ABCG1: variants seen among roughly 807,000 people sequenced by gnomAD.
The protein encoded by ABCG1 is ATP binding cassette subfamily G member 1, also known as ATP-binding cassette sub-family G member 1.
ABCG1 carries 29 observed loss-of-function variants against 69.2 expected under a neutral mutation model. That is an observed-to-expected ratio of 0.42 (90% CI 0.31 to 0.57). The LOEUF (loss-of-function observed/expected upper bound fraction) is 0.57, where lower values mean the gene tolerates loss of function less well. ABCG1 is among the 20% of genes least tolerant of loss of function. The probability of loss-of-function intolerance (pLI) is 0.15; values close to 1 mark genes in which losing one functional copy is unlikely to be tolerated. For missense variants in ABCG1, 718 were observed against 898.1 expected (o/e 0.80, Z 2.56); for synonymous variants, 370 against 374.8 (o/e 0.99, Z 0.15).
chr21:42,202,488 T>A (rs1346859493), intron 2 of ABCG1, among the ~76,000 whole-genome samples: 1 of 151,416 alleles, frequency 6.6e-6, no homozygotes, highest in Non-Finnish European at 1.5e-5. Flanking sequence ...AGAGGAGGGG[T>A]GTGATCTCAG....
intron 2 of ABCG1, among the ~76,000 whole-genome samples, chr21:42,226,213 GA>G (rs1419819389): frequency 6.6e-6 from 1 of 152,206 alleles, no homozygotes; most frequent in African/African-American, 2.4e-5. Flanking sequence ...GGCATGTGCT[GA>G]GAGAGTCCTC....
rs2067692237 is a variant in ABCG1 at position 42,219,812 on chromosome 21, G to C, written c.42+508G>C. On this transcript the variant is annotated intron_variant, in intron 1 of 14. Transcript: ENST00000398449. This position sits in a 1 kb window ranked among gnomAD's most constrained non-coding sequence, Gnocchi z 5.3. The stretch of plus-strand genomic sequence containing the variant: ...GGAACAAAAGAGGAAGCTGCCCCCA[G>C]AGAGCCGGAGCCTGCGACTGCACTC... 2 of 1,439,380 alleles carry C rather than the reference G, an allele frequency of 1.4e-6. No individual in the cohort carries two copies. Among genetic ancestry groups the C allele is most frequent in the African/African-American group, 2.9e-5 (2 of 69,378 alleles). 89.2% of individuals were successfully genotyped at this position (1,439,380 alleles called of 1,614,324 possible).
intron 2 of ABCG1, among the ~76,000 whole-genome samples, chr21:42,261,361 G>T (rs1181679826): frequency 6.6e-6 from 1 of 152,218 alleles, no homozygotes; most frequent in Non-Finnish European, 1.5e-5. Context: ...TGACCTCCTG[G>T]ATGTGGGGTG....
intron 2 of ABCG1, among the ~76,000 whole-genome samples, chr21:42,237,321 A>C (rs2067991605): frequency 6.6e-6 from 1 of 152,072 alleles, no homozygotes; most frequent in Non-Finnish European, 1.5e-5. Context: ...GCCACTCCCC[A>C]TGGGCTAGCC....
chr21:42,234,805 C>A (rs1010012154), intron 2 of ABCG1, among the ~76,000 whole-genome samples: 1 of 151,872 alleles, frequency 6.6e-6, no homozygotes, highest in African/African-American at 2.4e-5. Context: ...CGGAGCCCCT[C>A]GCGCGCGCAG....
At position 42,262,739 on chromosome 21, in the gene ABCG1, G is replaced by A. The variant is rs556853346; in HGVS notation, c.287-8331G>A. On this transcript the variant is annotated intron_variant, in intron 2 of 14. Transcript: ENST00000398449. ...TTTGGCAGAAGGGGTTGGAATCTTG[G>A]ATCCTCTGCTGACCTACCGTGTGAC... is the stretch of plus-strand genomic sequence containing the variant. Among the ~76,000 whole-genome samples, 11 of 152,334 alleles carry A rather than the reference G, an allele frequency of 7.2e-5. No homozygotes were observed. The East Asian group carries it at 9.6e-4, about 13-fold the overall frequency.
chr21:42,245,404 T>C (rs1180511093), intron 2 of ABCG1, among the ~76,000 whole-genome samples: 1 of 152,198 alleles, frequency 6.6e-6, no homozygotes, highest in Non-Finnish European at 1.5e-5. Flanking sequence ...TCAGTCCAGA[T>C]ACAAGGATTA....
upstream of ABCG1, among the ~76,000 whole-genome samples, chr21:42,211,632 C>A (rs1032215180): frequency 3.9e-5 from 6 of 151,926 alleles, no homozygotes; most frequent in African/African-American, 1.2e-4. Context: ...GTAATCCCAG[C>A]ACTTTGGGAG....
chr21:42,276,700 G>C lies in ABCG1; in HGVS notation c.538-195G>C, dbSNP rs540996155. On this transcript the variant is annotated intron_variant, in intron 4 of 14. Transcript: ENST00000398449. The surrounding 1 kb of genome is among the most constrained non-coding windows in gnomAD (Gnocchi z 5.3). ...ACTGTGGATAGCTGCACCGTGACTA[G>C]TGGCACCGTGGCTAGCTGCACCGTG... is the stretch of plus-strand genomic sequence containing the variant. 4 of 599,958 alleles carry C rather than the reference G, an allele frequency of 6.7e-6. No homozygotes were observed. In the East Asian group the frequency reaches 1.1e-4, roughly 17 times the overall value. The allele number at this position is 599,958 out of a possible 1,614,324, so 37.2% of individuals were successfully genotyped here.
At chr21:42,278,894 A>C (rs1419876070) in intron 5 of ABCG1, among the ~76,000 whole-genome samples, 1 of 152,006 alleles carries the variant, frequency 6.6e-6, no homozygotes, top group Non-Finnish European at 1.5e-5. Flanking sequence ...GCCACCCCCC[A>C]GTCCTGGGCC....
chr21:42,246,616 T>C (rs2068137947), intron 2 of ABCG1, among the ~76,000 whole-genome samples: 1 of 152,262 alleles, frequency 6.6e-6, no homozygotes. Flanking sequence ...TGAATATGTA[T>C]GTATTGATGC....
chr21:42,292,936 C>A (rs1464963682), intron 13 of ABCG1, among the ~76,000 whole-genome samples: 1 of 148,672 alleles, frequency 6.7e-6, no homozygotes, highest in Non-Finnish European at 1.5e-5. Flanking sequence ...ACACACCACA[C>A]ACTAAACACA....
At chr21:42,236,434 C>T (rs1436449240) in intron 2 of ABCG1, among the ~76,000 whole-genome samples, 2 of 152,224 alleles carry the variant, frequency 1.3e-5, no homozygotes, top group African/African-American at 4.8e-5. Flanking sequence ...TCGGAGGTGC[C>T]ACGCTTTGCT....
intron 5 of ABCG1, among the ~76,000 whole-genome samples, chr21:42,279,693 G>C (rs111709209): frequency 6.6e-6 from 1 of 152,256 alleles, no homozygotes; most frequent in African/African-American, 2.4e-5. Flanking sequence ...CCTTTTCCGG[G>C]GTAGCTGGTG....
chr21:42,234,396 G>A (rs2067945995), intron 2 of ABCG1, among the ~76,000 whole-genome samples: 1 of 152,170 alleles, frequency 6.6e-6, no homozygotes, highest in African/African-American at 2.4e-5. Context: ...GCTACAAAAG[G>A]CCTCTCCTCC....
intron 6 of ABCG1, among the ~76,000 whole-genome samples, chr21:42,283,587 G>A (rs142569048): frequency 1.3e-5 from 2 of 152,286 alleles, no homozygotes; most frequent in African/African-American, 2.4e-5. Flanking sequence ...GTGGGGAGTG[G>A]GGGTGGTGAC....
At chr21:42,216,225 C>G, upstream of ABCG1, 1 of 431,136 alleles carries the variant, frequency 2.3e-6, no homozygotes, top group Non-Finnish European at 4.6e-6. Flanking sequence ...GTAAATTGCC[C>G]AGTCTCAGGT....
chr21:42,267,980 C>A (rs568278901), intron 2 of ABCG1, among the ~76,000 whole-genome samples: 2 of 152,090 alleles, frequency 1.3e-5, no homozygotes, highest in South Asian at 4.2e-4. Context: ...TAGTCTGCGG[C>A]TCTGGTCTGG....
rs762065526 is a variant in ABCG1 at position 42,290,063 on chromosome 21, T to G, written c.1238T>G (p.Leu413Arg). 6.2e-7 allele frequency: 1 copy of G among 1,614,218 alleles called. No individual in the cohort carries two copies. The highest frequency in any genetic ancestry group is 8.5e-7 in the Non-Finnish European group (1 of 1,180,032). ...SIMRDSVLTH[L>R]RITSHIGIGL... ...GTCTGTCCCCAGGTCCTGACACACC[T>G]GCGCATCACCTCGCACATTGGGATC... is the stretch of plus-strand genomic sequence containing the variant. Residue 413 changes from leucine to arginine, a missense_variant, in exon 11 of 15, where the codon CTG becomes CGG. Coordinates refer to ENST00000398449, the MANE Select transcript of ABCG1 (RefSeq NM_016818.3).
Sources: allele counts gnomAD v4.1 joint callset (sites outside exome capture counted in the v4.1 genomes callset), GRCh38; gene constraint gnomAD v4.1.1; non-coding constraint Gnocchi (gnomAD v3.1); transcripts MANE v1.5; gene names NCBI Gene and HGNC (gene_info 2026-07-23, HGNC 2026-07-21).